Variants in BMS1 observed in about 807,000 individuals in gnomAD.
BMS1 encodes the protein ribosome biogenesis protein BMS1 homolog.
Under a neutral mutation model 138.7 loss-of-function variants are expected in BMS1, and 53 were observed. That is an observed-to-expected ratio of 0.38 (90% CI 0.31 to 0.48). The LOEUF (loss-of-function observed/expected upper bound fraction) is 0.48. Ranked by LOEUF, BMS1 falls within the 20% of genes least tolerant of loss-of-function variation. BMS1 has a pLI of 0.97. For synonymous variants in BMS1, 504 were observed against 539.9 expected, an observed-to-expected ratio of 0.93 and a Z score of 0.92; for missense variants, 1,360 against 1,565.5, an observed-to-expected ratio of 0.87 and a Z score of 2.22.
chr10:42,800,397 A>T (rs1413148566), intron 12 of BMS1, among the ~76,000 whole-genome samples: 1 of 152,140 alleles, frequency 6.6e-6, no homozygotes, highest in Non-Finnish European at 1.5e-5. Context: ...CCAATTTCTT[A>T]AGAATGTAGA....
At position 42,799,708 on chromosome 10, in the gene BMS1, T is replaced by TTG. The variant is rs1841810312; in HGVS notation, c.2247+1086_2247+1087dup. On this transcript the variant is annotated intron_variant, in intron 12 of 22. Transcript: ENST00000374518. Reference sequence around the variant, plus strand: ...TGGGAAATCAAGCTTTGCTGCTCAATTGTGACACCAGCCACAGTCCCCTTC... The same window carrying TTG: ...TGGGAAATCAAGCTTTGCTGCTCAATTGTGTGACACCAGCCACAGTCCCCTTC... Among the ~76,000 whole-genome samples, 7 of 152,202 alleles carry TTG rather than the reference T, an allele frequency of 4.6e-5. No homozygotes were observed. In the South Asian group the frequency reaches 1.4e-3, roughly 31 times the overall value.
intron 13 of BMS1, among the ~76,000 whole-genome samples, chr10:42,812,180 C>G (rs1424488956): frequency 1.3e-5 from 2 of 152,222 alleles, no homozygotes; most frequent in Non-Finnish European, 2.9e-5. Context: ...TAGTTTCACT[C>G]TGTCACTTAC....
At chr10:42,791,436 C>A (rs1449666566) in intron 5 of BMS1, among the ~76,000 whole-genome samples, 191 bp from the exon 6 acceptor site, 1 of 152,178 alleles carries the variant, frequency 6.6e-6, no homozygotes, top group Non-Finnish European at 1.5e-5. Context: ...GGCTCGGCTG[C>A]AGAGCAGTCT....
chr10:42,785,561 G>T lies in BMS1; in HGVS notation c.256G>T (p.Val86Leu), dbSNP rs1365636982. 1 of 1,613,912 alleles carries T rather than the reference G, an allele frequency of 6.2e-7. No homozygotes were observed. The highest frequency in any genetic ancestry group is 2.2e-5 in the East Asian group (1 of 44,876). ...TPLEPPPIVV[V>L]VMGPPKVGKS... is the part of the protein sequence containing the mutation. ...ACTAGAGCCCCCACCAATAGTGGTA[G>T]TGGTGATGGGACCTCCAAAAGTTGG... The change falls in exon 3 of 23, where the codon GTG becomes TTG. Residue 86 changes from valine (V) to leucine (L), a missense_variant. Val to Leu is a conservative substitution (Grantham distance 32). Around this residue, in one of 3 missense-constraint regions of BMS1, gnomAD observed 238 missense variants for 311.1 expected, o/e 0.77. Coordinates refer to ENST00000374518, the MANE Select transcript of BMS1 (RefSeq NM_014753.4).
chr10:42,806,233 GCAGGAT>G (rs1286957832), intron 13 of BMS1, among the ~76,000 whole-genome samples: 1 of 152,150 alleles, frequency 6.6e-6, no homozygotes, highest in Non-Finnish European at 1.5e-5. Context: ...CAGTTTCTGT[GCAGGAT>G]GGTTCTGGGA....
intron 14 of BMS1, 36 bp from the exon 15 acceptor site, chr10:42,817,282 A>G (rs768910341): frequency 6.8e-7 from 1 of 1,464,624 alleles, no homozygotes; most frequent in South Asian, 1.3e-5. Flanking sequence ...AGACCTTCAT[A>G]AACATACACA....
chr10:42,797,585 A>G (rs1841731245), intron 11 of BMS1, 62 bp downstream of exon 11: 5 of 1,522,812 alleles, frequency 3.3e-6, no homozygotes, highest in African/African-American at 1.4e-5. Context: ...AGATGAGGGA[A>G]TTGGTTGGAG....
At chr10:42,830,031 G>A (rs1291499970) in intron 21 of BMS1, among the ~76,000 whole-genome samples, 4 of 152,108 alleles carry the variant, frequency 2.6e-5, no homozygotes, top group Admixed American at 6.5e-5. Flanking sequence ...GGTTTTGGGG[G>A]GAGAGTTGTA....
chr10:42,797,681 A>T, intron 11 of BMS1, among the ~76,000 whole-genome samples, 158 bp downstream of exon 11: 1 of 152,192 alleles, frequency 6.6e-6, no homozygotes, highest in East Asian at 1.9e-4. Flanking sequence ...GCTTATGAGG[A>T]CCACACATTG....
At chr10:42,795,413 A>G (rs1348599086) in intron 9 of BMS1, among the ~76,000 whole-genome samples, 2 of 151,410 alleles carry the variant, frequency 1.3e-5, no homozygotes, top group African/African-American at 4.9e-5. Context: ...TTGAACTCCC[A>G]GGCTCAAGTG....
Position 42,795,547 on chromosome 10 carries a change from C to T in BMS1, c.1230-927C>T, listed in dbSNP as rs141834600. On this transcript the variant is annotated intron_variant, in intron 9 of 22. Coordinates refer to ENST00000374518, the MANE Select transcript of BMS1 (RefSeq NM_014753.4). Reference sequence around the variant, plus strand: ...TGTTGCCCAGGCTGGTCTCAAACTCCTGGGCTCAAGCAATCCTCCTGCCTT... The same window carrying T: ...TGTTGCCCAGGCTGGTCTCAAACTCTTGGGCTCAAGCAATCCTCCTGCCTT... Among the ~76,000 whole-genome samples, 898 of 151,800 alleles carry T rather than the reference C, an allele frequency of 5.9e-3. 11 individuals are homozygous for T. Among genetic ancestry groups the T allele is most frequent in the African/African-American group, 0.02 (846 of 41,342 alleles).
chr10:42,811,812 C>A (rs1312096693), intron 13 of BMS1, among the ~76,000 whole-genome samples: 1 of 152,112 alleles, frequency 6.6e-6, no homozygotes, highest in Non-Finnish European at 1.5e-5. Context: ...GCGTGAGCCA[C>A]CGCGCCCGGC....
intron 8 of BMS1, 64 bp from the exon 9 acceptor site, chr10:42,793,788 A>G (rs1841586606): frequency 1.3e-6 from 2 of 1,531,640 alleles, no homozygotes; most frequent in African/African-American, 1.4e-5. Flanking sequence ...AAACTGAGTG[A>G]AGCTCGTGTC....
In BMS1 at chr10:42,830,431, G is replaced by T. The variant is rs1419349372; in HGVS notation, c.3618+9G>T. 1 of 1,605,806 alleles carries T rather than the reference G, an allele frequency of 6.2e-7. No individual in the cohort carries two copies. Among genetic ancestry groups the T allele is most frequent in the Non-Finnish European group, 8.5e-7 (1 of 1,178,088 alleles). ...AGCCTCATGAAAGAAAGGTACTGTT[G>T]CCCATGCTGTACTGCACGCTGCGTT... On this transcript the variant is annotated intron_variant, in intron 22 of 22. Transcript: ENST00000374518.
chr10:42,831,742 T>G lies in BMS1; in HGVS notation c.*646T>G, dbSNP rs1167430177. The G allele has an allele frequency of 6.6e-6, 1 of 152,410 alleles. No individual in the cohort carries two copies. The highest frequency in any genetic ancestry group is 2.4e-5 in the African/African-American group (1 of 41,446). 9.4% of individuals were successfully genotyped at this position (152,410 alleles called of 1,614,324 possible). ...TAAGTACTTTTTTAAAGCTTTAGAC[T>G]TAGGAGATTATTGTCTCAGGTGCAG... On this transcript the variant is annotated 3_prime_UTR_variant, in exon 23 of 23. Transcript: ENST00000374518.
chr10:42,793,077 G>A lies in BMS1; in HGVS notation c.1022G>A (p.Gly341Glu). 6.2e-7 allele frequency: 1 copy of A among 1,614,044 alleles called. No homozygotes were observed. The highest frequency in any genetic ancestry group is 8.5e-7 in the Non-Finnish European group (1 of 1,179,972). The change falls in exon 8 of 23, where the codon GGA becomes GAA. Residue 341 changes from glycine (G) to glutamate (E), a missense_variant. Transcript: ENST00000374518. Reference protein sequence around the residue: ...KEKLVYAPLSGVGGVLYDKDA... With the variant: ...KEKLVYAPLSEVGGVLYDKDA... ...AAGCTGGTTTATGCGCCTCTTTCTGGAGTTGGGGGTGTGCTGTATGACAAA... is the reference window on the plus strand; with the variant it reads ...AAGCTGGTTTATGCGCCTCTTTCTGAAGTTGGGGGTGTGCTGTATGACAAA...
Position 42,787,267 on chromosome 10 carries a change from C to G in BMS1, c.447+20C>G, listed in dbSNP as rs763036596. ...GATCTGGTAAGTGAGCAGGGGCAGC[C>G]TGGGGTGCTGATGGAGACTTACAGC... On this transcript the variant is annotated intron_variant, in intron 4 of 22. Transcript: ENST00000374518. 3 of 897,252 alleles carry G rather than the reference C, an allele frequency of 3.3e-6. No individual in the cohort carries two copies. Among genetic ancestry groups the G allele is most frequent in the Non-Finnish European group, 5.4e-6 (3 of 554,096 alleles). 55.6% of individuals were successfully genotyped at this position (897,252 alleles called of 1,614,324 possible).
At chr10:42,800,271 C>T (rs1020981130) in intron 12 of BMS1, among the ~76,000 whole-genome samples, 3 of 152,048 alleles carry the variant, frequency 2.0e-5, no homozygotes, top group Non-Finnish European at 2.9e-5. Flanking sequence ...TATTTTTCGG[C>T]GAAACTGCTT....
intron 13 of BMS1, among the ~76,000 whole-genome samples, chr10:42,810,213 G>GT (rs1255599934): frequency 1.3e-5 from 2 of 151,976 alleles, no homozygotes; most frequent in Admixed American, 6.5e-5. Context: ...TTTTTGTTTT[G>GT]TTTTTTCCTT....
Sources: allele counts gnomAD v4.1 joint callset (sites outside exome capture counted in the v4.1 genomes callset), GRCh38; gene constraint gnomAD v4.1.1; regional missense constraint gnomAD v4.1.1; transcripts MANE v1.5; gene names NCBI Gene and HGNC (gene_info 2026-07-23, HGNC 2026-07-21).